SLX4IP: variants seen among roughly 807,000 people sequenced by gnomAD.
The protein encoded by SLX4IP is protein SLX4IP.
Under a neutral mutation model 32.9 loss-of-function variants are expected in SLX4IP, and 34 were observed. That is an observed-to-expected ratio of 1.03 (90% CI 0.79 to 1.38). The LOEUF is 1.38. Ranked by LOEUF, SLX4IP falls within the 40% of genes most tolerant of loss-of-function variation. The pLI is 0.00. For missense variants in SLX4IP, 444 were observed against 479.0 expected, an observed-to-expected ratio of 0.93 and a Z score of 0.68; for synonymous variants, 172 against 171.7, an observed-to-expected ratio of 1.00 and a Z score of -0.01.
intron 2 of SLX4IP, among the ~76,000 whole-genome samples, chr20:10,461,936 C>A (rs544469031): frequency 7.8e-4 from 119 of 152,180 alleles, no homozygotes; most frequent in Non-Finnish European, 4.1e-4. Context: ...CACCACCACT[C>A]TCGGCTAATT....
At chr20:10,459,806 G>A (rs1282879298) in intron 2 of SLX4IP, among the ~76,000 whole-genome samples, 1 of 152,182 alleles carries the variant, frequency 6.6e-6, no homozygotes. Context: ...GGGATAGTGG[G>A]AAGGGAGAAG....
At chr20:10,557,817 C>T (rs1248569121) in intron 3 of SLX4IP, among the ~76,000 whole-genome samples, 2 of 152,166 alleles carry the variant, frequency 1.3e-5, no homozygotes, top group East Asian at 3.8e-4. Flanking sequence ...ATAGCCAAAG[C>T]GTGAGGCTAG....
At chr20:10,556,388 C>A in intron 3 of SLX4IP, 68 bp downstream of exon 3, 8 of 1,446,948 alleles carry the variant, frequency 5.5e-6, no homozygotes, top group Non-Finnish European at 7.7e-6. Flanking sequence ...TCAGCTCTTT[C>A]CAGCTTTCAT....
intron 2 of SLX4IP, among the ~76,000 whole-genome samples, chr20:10,502,245 T>C (rs1416009068): frequency 6.6e-6 from 1 of 152,182 alleles, no homozygotes; most frequent in Admixed American, 6.5e-5. Context: ...GCACTGCAGA[T>C]GCTCGGAGGA....
At chr20:10,593,669 G>A (rs1284063262) in intron 4 of SLX4IP, among the ~76,000 whole-genome samples, 2 of 152,172 alleles carry the variant, frequency 1.3e-5, no homozygotes, top group Non-Finnish European at 2.9e-5. Context: ...CCAGGAGGTT[G>A]AGGCTGCAGT....
intron 6 of SLX4IP, among the ~76,000 whole-genome samples, chr20:10,612,006 C>T (rs1002948012): frequency 1.3e-5 from 2 of 152,206 alleles, no homozygotes; most frequent in Admixed American, 6.5e-5. Context: ...CATGCACGGC[C>T]TCAGTCTTTG....
chr20:10,602,291 T>TCC (rs915446993), intron 6 of SLX4IP, among the ~76,000 whole-genome samples: 4 of 151,708 alleles, frequency 2.6e-5, no homozygotes, highest in African/African-American at 9.7e-5. Flanking sequence ...TCTCCCTCTC[T>TCC]CTCTCTCTCT....
At chr20:10,517,109 C>A (rs371462311) in intron 2 of SLX4IP, among the ~76,000 whole-genome samples, 21 of 152,296 alleles carry the variant, frequency 1.4e-4, no homozygotes, top group South Asian at 6.2e-4. Flanking sequence ...GAAAGCATTC[C>A]TAAGAATTTA....
intron 2 of SLX4IP, among the ~76,000 whole-genome samples, chr20:10,458,851 G>A (rs986394616): frequency 6.6e-6 from 1 of 152,162 alleles, no homozygotes; most frequent in Non-Finnish European, 1.5e-5. Context: ...ATAATAGAAT[G>A]ATTTATATCT....
chr20:10,495,769 T>C (rs776588670), intron 2 of SLX4IP, among the ~76,000 whole-genome samples: 12 of 152,166 alleles, frequency 7.9e-5, no homozygotes, highest in Non-Finnish European at 1.0e-4. Flanking sequence ...TGTCTGCTAT[T>C]AATATTTCAG....
At position 10,615,061 on chromosome 20, in the gene SLX4IP, G is replaced by A. The variant is rs556020531; in HGVS notation, c.406-6253G>A. On this transcript the variant is annotated intron_variant, in intron 6 of 7. Coordinates refer to ENST00000334534, the MANE Select transcript of SLX4IP (RefSeq NM_001009608.3). ...TTGAAATGTAATTTCACCTTTAAAG[G>A]TGTCCTTTTACTTTTTTAATGGGTC... 4.6e-5 allele frequency among the ~76,000 whole-genome samples: 7 copies of A among 151,830 alleles called. No homozygotes were observed. The South Asian group carries it at 1.2e-3, about 27-fold the overall frequency.
At chr20:10,554,947 T>C (rs559932789) in intron 2 of SLX4IP, among the ~76,000 whole-genome samples, 11 of 152,300 alleles carry the variant, frequency 7.2e-5, no homozygotes, top group Admixed American at 3.9e-4. Context: ...ATTTTTAATT[T>C]TGAAAATTTA....
At chr20:10,548,290 G>C (rs1425481464) in intron 2 of SLX4IP, among the ~76,000 whole-genome samples, 2 of 152,008 alleles carry the variant, frequency 1.3e-5, no homozygotes, top group Non-Finnish European at 2.9e-5. Flanking sequence ...CCAGGCTGGA[G>C]TGCAGTGGCA....
At chr20:10,475,541 G>A (rs1600909045) in intron 2 of SLX4IP, among the ~76,000 whole-genome samples, 1 of 152,194 alleles carries the variant, frequency 6.6e-6, no homozygotes, top group South Asian at 2.1e-4. Context: ...CCCTGAGGCA[G>A]CTTCACTGTG....
At chr20:10,496,344 T>C (rs1321964424) in intron 2 of SLX4IP, among the ~76,000 whole-genome samples, 1 of 152,158 alleles carries the variant, frequency 6.6e-6, no homozygotes, top group African/African-American at 2.4e-5. Context: ...ATTCCTGTCT[T>C]CTGCTTAATT....
chr20:10,544,481 G>A (rs1453811847), intron 2 of SLX4IP, among the ~76,000 whole-genome samples: 2 of 152,136 alleles, frequency 1.3e-5, no homozygotes, highest in Admixed American at 6.5e-5. Context: ...GACTTCCCAG[G>A]CTCAGATGAT....
At chr20:10,486,565 G>A (rs899930335) in intron 2 of SLX4IP, among the ~76,000 whole-genome samples, 1 of 152,004 alleles carries the variant, frequency 6.6e-6, no homozygotes, top group African/African-American at 2.4e-5. Context: ...GGCTAAATAC[G>A]CATGTGAACA....
intron 6 of SLX4IP, among the ~76,000 whole-genome samples, chr20:10,606,796 T>G (rs1189214176): frequency 6.6e-6 from 1 of 152,226 alleles, no homozygotes; most frequent in Non-Finnish European, 1.5e-5. Context: ...TGTATGTATT[T>G]TAACTAGGAC....
chr20:10,487,168 C>G (rs1423723800), intron 2 of SLX4IP, among the ~76,000 whole-genome samples: 1 of 152,168 alleles, frequency 6.6e-6, no homozygotes, highest in Non-Finnish European at 1.5e-5. Flanking sequence ...AAATCAACAT[C>G]CAGTCTAGTC....
Sources: allele counts gnomAD v4.1 joint callset (sites outside exome capture counted in the v4.1 genomes callset), GRCh38; gene constraint gnomAD v4.1.1; transcripts MANE v1.5; gene names NCBI Gene and HGNC (gene_info 2026-07-23, HGNC 2026-07-21).